Variants in CDH16 observed in about 807,000 individuals in gnomAD.
CDH16 encodes cadherin-16.
A neutral mutation model predicts 87.6 loss-of-function variants in CDH16; 79 were observed. The ratio of observed to expected loss-of-function variants is 0.90; its 90% CI spans 0.75 to 1.09. The LOEUF is 1.09. CDH16 is among the 50% of genes least tolerant of loss of function. CDH16 has a pLI of 0.00. For synonymous variants in CDH16, 457 were observed against 439.5 expected (o/e 1.04, Z -0.50); for missense variants, 1,124 against 1,071.7 (o/e 1.05, Z -0.68).
intron 14 of CDH16, 56 bp from the exon 15 acceptor site, chr16:66,910,558 T>G (rs1962368231): frequency 1.0e-5 from 15 of 1,456,622 alleles, no homozygotes; most frequent in South Asian, 1.5e-5. Flanking sequence ...GGGTGAGCTC[T>G]GAGGTCCCTG....
chr16:66,911,948 A>C lies in CDH16; in HGVS notation c.1741T>G (p.Ser581Ala), dbSNP rs2145452767. ...GAGGGCTGGATGGTCAGCAGGAAAG[A>C]GCCGGCTGGGGCACTGATGGGGACA... ...ASVPISAPAGSFLLTIQPSDP... is the reference protein window; with the variant it reads ...ASVPISAPAGAFLLTIQPSDP... Residue 581 changes from serine to alanine, a missense_variant, in exon 13 of 18, where the codon TCT becomes GCT. Coordinates refer to ENST00000299752, the MANE Select transcript of CDH16 (RefSeq NM_004062.4). 1 of 1,612,966 alleles carries C rather than the reference A, an allele frequency of 6.2e-7. No individual in the cohort carries two copies. Among genetic ancestry groups the C allele is most frequent in the East Asian group, 2.2e-5 (1 of 44,838 alleles).
In CDH16 at chr16:66,910,371, C is replaced by G; in HGVS notation, c.2056G>C (p.Val686Leu). The G allele has an allele frequency of 6.2e-7, 1 of 1,613,750 alleles. No individual in the cohort carries two copies. The highest frequency in any genetic ancestry group is 8.5e-7 in the Non-Finnish European group (1 of 1,179,826). The change falls in exon 15 of 18, where the codon GTG (valine) becomes CTG (leucine). Residue 686 changes from valine to leucine, a missense_variant. Val to Leu is a conservative substitution (Grantham distance 32). Transcript: ENST00000299752. ...TCGGGGTCCTTGCTGGGTCCACTCA[C>G]GATCAAGCCATGGTCTTGGCGGGGT... The part of the protein sequence containing the change: ...CTPRQDHGLI[V>L]SGPSKDPDLA...
rs773908175 is a variant in CDH16, at chr16:66,911,172, C to G, written c.1924+10G>C. ...CCCTCCCAGGGGCTCCCATCACTGC[C>G]TGGCCATACCTGTATCCTGGGCCTC... On this transcript the variant is annotated intron_variant, in intron 14 of 17. Coordinates refer to ENST00000299752, the MANE Select transcript of CDH16 (RefSeq NM_004062.4). 1 of 1,604,578 alleles carries G rather than the reference C, an allele frequency of 6.2e-7. No individual in the cohort carries two copies. The highest frequency in any genetic ancestry group is 8.5e-7 in the Non-Finnish European group (1 of 1,174,488).
intron 14 of CDH16, chr16:66,910,746 C>T (rs546524188): frequency 4.0e-5 from 17 of 423,386 alleles, no homozygotes; most frequent in East Asian, 1.9e-4. Context: ...ACCTGCCTCC[C>T]GGGGCTCCCC....
At chr16:66,914,164 C>CT in intron 7 of CDH16, 52 bp downstream of exon 7, 1 of 1,500,096 alleles carries the variant, frequency 6.7e-7, no homozygotes, top group Non-Finnish European at 9.2e-7. Flanking sequence ...AGACTCGGGC[C>CT]TGGCTGCACC....
rs144275381 is a variant in CDH16, at chr16:66,912,389, A to G, written c.1401T>C (p.Thr467=). ...ISLPEDVEPG[T]LVAMLTAIDA... is the part of the protein sequence containing the mutation. ...CAATGGCTGTTAGCATGGCCACCAG[A>G]GTCCCGGGCTCCACATCCTCAGGGA... Residue 467 remains threonine (T), a synonymous_variant, in exon 12 of 18, where the codon ACT becomes ACC. Coordinates refer to ENST00000299752, the MANE Select transcript of CDH16 (RefSeq NM_004062.4). 1.2e-6 allele frequency: 2 copies of G among 1,614,044 alleles called. No individual in the cohort carries two copies. The highest frequency in any genetic ancestry group is 1.3e-5 in the African/African-American group (1 of 75,030).
At position 66,916,397 on chromosome 16, in the gene CDH16, C is replaced by G. The variant is rs776762886; in HGVS notation, c.162G>C (p.Gln54His). ...TGCCTGAGTCCCCTGACAGCACGAT[C>G]TGGCCTTCAGCCCCCTCACGGGGCA... ...LPLPREGAEGQIVLSGDSGKA... is the reference protein window; with the variant it reads ...LPLPREGAEGHIVLSGDSGKA... Residue 54 changes from glutamine to histidine, a missense_variant, in exon 4 of 18, where the codon CAG becomes CAC. By Grantham distance (24) the Gln-to-His change is conservative. Coordinates refer to ENST00000299752, the MANE Select transcript of CDH16 (RefSeq NM_004062.4). This position sits in a 1 kb window ranked among gnomAD's most constrained non-coding sequence, Gnocchi z 4.1. 6.2e-7 allele frequency: 1 copy of G among 1,611,564 alleles called. No homozygotes were observed. The highest frequency in any genetic ancestry group is 1.7e-5 in the Admixed American group (1 of 59,844).
Position 66,911,940 on chromosome 16 carries a change from C to G in CDH16, c.1749G>C (p.Leu583=), listed in dbSNP as rs1425432940. The change falls in exon 13 of 18, where the codon CTG becomes CTC. Residue 583 remains leucine (L), a synonymous_variant. Transcript: ENST00000299752. ...VPISAPAGSF[L]LTIQPSDPIS... Reference sequence around the variant, plus strand: ...TGGGGTCGGAGGGCTGGATGGTCAGCAGGAAAGAGCCGGCTGGGGCACTGA... The same window carrying G: ...TGGGGTCGGAGGGCTGGATGGTCAGGAGGAAAGAGCCGGCTGGGGCACTGA... 6.2e-7 allele frequency: 1 copy of G among 1,612,026 alleles called. No homozygotes were observed.
In CDH16 at chr16:66,909,242, GCAGGTA is replaced by G; in HGVS notation, c.2392+19_2392+24del. 7.1e-7 allele frequency: 1 copy of G among 1,414,658 alleles called. No homozygotes were observed. The allele number at this position is 1,414,658 out of a possible 1,614,324, so 87.6% of individuals were successfully genotyped here. Reference sequence around the variant, plus strand: ...CCAACCACCCATCGCCCTCGCCCACGCAGGTAATGTCCAACCTCCATTACCTATTGC... The same window carrying G: ...CCAACCACCCATCGCCCTCGCCCACGATGTCCAACCTCCATTACCTATTGC... On this transcript the variant is annotated intron_variant, in intron 17 of 17. Coordinates refer to ENST00000299752, the MANE Select transcript of CDH16 (RefSeq NM_004062.4). This position sits in a 1 kb window ranked among gnomAD's most constrained non-coding sequence, Gnocchi z 4.1.
intron 6 of CDH16, 100 bp from the exon 7 acceptor site, chr16:66,914,512 G>A: frequency 1.2e-6 from 1 of 815,448 alleles, no homozygotes. Flanking sequence ...GCATACAGCA[G>A]GTGATTGGGA....
intron 5 of CDH16, 60 bp from the exon 6 acceptor site, chr16:66,915,438 G>A: frequency 3.3e-6 from 5 of 1,536,324 alleles, no homozygotes; most frequent in Non-Finnish European, 4.4e-6. Flanking sequence ...AGTCTCCCAT[G>A]CCTCTCCTAT....
intron 7 of CDH16, 124 bp downstream of exon 7, chr16:66,914,092 G>T: frequency 1.3e-6 from 1 of 799,956 alleles, no homozygotes; most frequent in Non-Finnish European, 2.0e-6. Context: ...GGAAGTAATG[G>T]GAAGAGTGGA....
Position 66,915,104 on chromosome 16 carries a change from C to T in CDH16, c.583+116G>A. 1.3e-5 allele frequency: 13 copies of T among 968,992 alleles called. No homozygotes were observed. In the South Asian group the frequency reaches 2.1e-4, roughly 16 times the overall value. 60.0% of individuals were successfully genotyped at this position (968,992 alleles called of 1,614,324 possible). On this transcript the variant is annotated intron_variant, in intron 6 of 17. Transcript: ENST00000299752. ...CTTGTTGCTGTCTCCACCTAGAGTG[C>T]CCTTCCCTCCCTTTTTACCTCTCAA...
intron 1 of CDH16, among the ~76,000 whole-genome samples, chr16:66,918,294 C>T (rs1256169077): frequency 4.6e-5 from 7 of 152,236 alleles, no homozygotes; most frequent in Admixed American, 1.3e-4. Flanking sequence ...GCTCTTGGTC[C>T]ATCAAGCACT....
intron 1 of CDH16, among the ~76,000 whole-genome samples, chr16:66,918,528 G>A (rs1306600893): frequency 1.3e-5 from 2 of 152,220 alleles, no homozygotes; most frequent in Non-Finnish European, 2.9e-5. Context: ...ACCACAGGAG[G>A]AGTCCTCCTA....
chr16:66,914,180 T>C, intron 7 of CDH16, 36 bp downstream of exon 7: 1 of 1,565,744 alleles, frequency 6.4e-7, no homozygotes, highest in Non-Finnish European at 8.8e-7. Context: ...GCACCATCCA[T>C]GGGGCTGCTT....
Position 66,908,491 on chromosome 16 carries a change from T to C in CDH16, c.2393-2A>G. The C allele has an allele frequency of 1.2e-6, 2 of 1,613,192 alleles. No individual in the cohort carries two copies. The highest frequency in any genetic ancestry group is 1.7e-6 in the Non-Finnish European group (2 of 1,179,200). On this transcript the variant is annotated splice_acceptor_variant, in intron 17 of 17. Coordinates refer to ENST00000299752, the MANE Select transcript of CDH16 (RefSeq NM_004062.4). LOFTEE classifies it high-confidence loss of function. The stretch of plus-strand genomic sequence containing the variant: ...TGAAAATGAGGATGAGGAAGATTCC[T>C]GTGGGGCCCAAGAGGGATGTATCAG...
rs776926211 is a variant in CDH16 at position 66,913,150 on chromosome 16, G to A, written c.1035C>T (p.Ile345=). ...ICPPRDPTVS[I]PELSPPGTEV... ...GCTCACCTGGTGGACTGAGCTCAGG[G>A]ATGCTGACTGTGGGGTCACGGGGAG... Residue 345 remains isoleucine (I), a synonymous_variant, in exon 9 of 18, where the codon ATC becomes ATT. Coordinates refer to ENST00000299752, the MANE Select transcript of CDH16 (RefSeq NM_004062.4). 3.7e-6 allele frequency: 6 copies of A among 1,609,594 alleles called. No individual in the cohort carries two copies. In the East Asian group the frequency reaches 1.1e-4, roughly 30 times the overall value.
intron 14 of CDH16, chr16:66,910,926 G>A: frequency 2.2e-6 from 1 of 460,350 alleles, no homozygotes; most frequent in South Asian, 3.9e-5. Flanking sequence ...CCCTCCAGTG[G>A]CTAAAGGACA....
Sources: gnomAD v4.1 joint callset for allele counts (sites outside exome capture counted in the v4.1 genomes callset) on GRCh38, gnomAD v4.1.1 for gene constraint, Gnocchi (gnomAD v3.1) non-coding constraint, MANE v1.5 for transcripts, NCBI Gene and HGNC (gene_info 2026-07-23, HGNC 2026-07-21) for gene names.